Variants in RTTN observed in about 807,000 individuals in gnomAD.
The protein encoded by RTTN is rotatin.
RTTN carries 182 observed loss-of-function variants against 269.2 expected under a neutral mutation model. The observed-to-expected ratio is 0.68, with a 90% CI of 0.60 to 0.76. RTTN has a LOEUF of 0.76. Among genes scored for constraint, RTTN ranks in the 30% least tolerant of loss-of-function variants. The pLI is 0.00. For missense variants in RTTN, 2,545 were observed against 2,608.6 expected (o/e 0.98, Z 0.53); for synonymous variants, 1,006 against 963.5 (o/e 1.04, Z -0.82).
intron 3 of RTTN, among the ~76,000 whole-genome samples, chr18:70,203,022 T>G (rs1156766947): frequency 6.6e-6 from 1 of 152,124 alleles, no homozygotes; most frequent in African/African-American, 2.4e-5. Flanking sequence ...CATGAAGATG[T>G]TTTTCTTCAA....
intron 16 of RTTN, 73 bp from the exon 17 acceptor site, chr18:70,149,110 T>G: frequency 7.5e-7 from 1 of 1,340,292 alleles, no homozygotes; most frequent in South Asian, 1.3e-5. Context: ...AAATAAGAAT[T>G]GTATTGTCCT....
chr18:70,187,168 G>A (rs1173446344), intron 10 of RTTN, among the ~76,000 whole-genome samples: 3 of 151,954 alleles, frequency 2.0e-5, no homozygotes, highest in Non-Finnish European at 4.4e-5. Flanking sequence ...AATACACAAC[G>A]AAGCATTTGC....
Position 70,114,526 on chromosome 18 carries a change from G to C in RTTN, c.3602C>G (p.Thr1201Ser). The stretch of plus-strand genomic sequence containing the variant: ...TTTCTGAAGTTGTTGCCTGACAGCA[G>C]TCCGGATATCATCTGTTTCTTCTCG... Reference protein sequence around the residue: ...QAREETDDIRTAVRQQLQKEL... With the variant: ...QAREETDDIRSAVRQQLQKEL... Residue 1201 changes from threonine (T) to serine (S), a missense_variant, in exon 27 of 49, where the codon ACT (threonine) becomes AGT (serine). Transcript: ENST00000640769. The C allele has an allele frequency of 1.2e-6, 2 of 1,613,680 alleles. No homozygotes were observed. Among genetic ancestry groups the C allele is most frequent in the Non-Finnish European group, 1.7e-6 (2 of 1,179,652 alleles).
intron 10 of RTTN, among the ~76,000 whole-genome samples, chr18:70,178,706 T>G (rs529405936): frequency 2.0e-4 from 30 of 151,678 alleles, no homozygotes; most frequent in African/African-American, 3.4e-4. Flanking sequence ...AAAAAGAAAA[T>G]AAAATTCTAA....
At chr18:70,039,865 T>C (rs1184379570) in intron 40 of RTTN, among the ~76,000 whole-genome samples, 1 of 152,182 alleles carries the variant, frequency 6.6e-6, no homozygotes, top group Non-Finnish European at 1.5e-5. Flanking sequence ...CTTTTGCATG[T>C]GTGCTTGTTC....
intron 11 of RTTN, among the ~76,000 whole-genome samples, chr18:70,172,746 A>G (rs1272706794): frequency 1.3e-5 from 2 of 152,192 alleles, no homozygotes; most frequent in Admixed American, 6.5e-5. Flanking sequence ...TAAGTAAAAT[A>G]AATTACTGAT....
chr18:70,050,042 A>G (rs1008534255), intron 39 of RTTN, among the ~76,000 whole-genome samples: 9 of 152,204 alleles, frequency 5.9e-5, no homozygotes, highest in African/African-American at 2.2e-4. Flanking sequence ...TATCATATGT[A>G]CCTTTATAAA....
chr18:70,165,463 A>G (rs1447201614), intron 14 of RTTN, among the ~76,000 whole-genome samples: 1 of 151,988 alleles, frequency 6.6e-6, no homozygotes, highest in Non-Finnish European at 1.5e-5. Context: ...AAAATGAATC[A>G]GAAGTAAAAA....
intron 28 of RTTN, among the ~76,000 whole-genome samples, chr18:70,102,400 C>A (rs1167161015): frequency 6.6e-6 from 1 of 151,510 alleles, no homozygotes; most frequent in African/African-American, 2.4e-5. Flanking sequence ...CAACCCCTGC[C>A]TTTTTTTGTT....
chr18:70,054,205 AT>A lies in RTTN; in HGVS notation c.5110del (p.Ile1704PhefsTer6). On this transcript the variant is annotated frameshift_variant, in exon 38 of 49. Transcript: ENST00000640769. LOFTEE classifies it high-confidence loss of function. Reference sequence around the variant, plus strand: ...AAGAGGTTTCACAAGCTCATCCTGAATCACAAGGTCAGGCTCCACCAATAAA... The same window carrying A: ...AAGAGGTTTCACAAGCTCATCCTGAACACAAGGTCAGGCTCCACCAATAAA... ...SCLLVEPDLVIQDELVKPLIT... is the reference protein window; with the variant it reads ...SCLLVEPDLVXQDELVKPLIT... 1 of 1,613,874 alleles carries A rather than the reference AT, an allele frequency of 6.2e-7. No individual in the cohort carries two copies. Among genetic ancestry groups the A allele is most frequent in the Non-Finnish European group, 8.5e-7 (1 of 1,179,804 alleles).
intron 32 of RTTN, among the ~76,000 whole-genome samples, chr18:70,082,610 T>C (rs944758814): frequency 1.3e-5 from 2 of 152,200 alleles, no homozygotes; most frequent in African/African-American, 4.8e-5. Flanking sequence ...TGAAAAACAC[T>C]GGACAGTTGG....
intron 25 of RTTN, among the ~76,000 whole-genome samples, chr18:70,124,885 G>C (rs2059825381): frequency 1.3e-5 from 2 of 151,986 alleles, no homozygotes; most frequent in Non-Finnish European, 1.5e-5. Flanking sequence ...AGTAGCAATA[G>C]GACTTCCAGT....
chr18:70,065,916 G>T lies in RTTN; in HGVS notation c.4660C>A (p.Pro1554Thr), dbSNP rs375176796. ...SLSTSETTVA[P>T]SLGSTEFQPL... Reference sequence around the variant, plus strand: ...TGAAATTCAGTACTCCCCAATGAAGGTGCCACCTATGAATCAGTAAATTAT... The same window carrying T: ...TGAAATTCAGTACTCCCCAATGAAGTTGCCACCTATGAATCAGTAAATTAT... The change falls in exon 35 of 49, where the codon CCT (proline) becomes ACT (threonine). Residue 1554 changes from proline to threonine, a missense_variant. Coordinates refer to ENST00000640769, the MANE Select transcript of RTTN (RefSeq NM_173630.4). 1.1e-5 allele frequency: 17 copies of T among 1,587,684 alleles called. No individual in the cohort carries two copies. In the African/African-American group the frequency reaches 1.3e-4, roughly 13 times the overall value.
At chr18:70,037,200 C>T (rs933581668) in intron 40 of RTTN, among the ~76,000 whole-genome samples, 1 of 152,218 alleles carries the variant, frequency 6.6e-6, no homozygotes, top group Non-Finnish European at 1.5e-5. Context: ...GTCTTGGACA[C>T]AAGGCCTGCA....
chr18:70,109,993 A>G (rs2059420677), intron 27 of RTTN, among the ~76,000 whole-genome samples: 1 of 152,124 alleles, frequency 6.6e-6, no homozygotes, highest in African/African-American at 2.4e-5. Flanking sequence ...CTGAGGTGGG[A>G]GGATTGCTTG....
At chr18:70,166,380 G>C (rs1196866835) in intron 13 of RTTN, 192 bp from the exon 14 acceptor site, 2 of 433,752 alleles carry the variant, frequency 4.6e-6, no homozygotes, top group African/African-American at 2.0e-5. Context: ...CTGTCTTAAA[G>C]AGTATTTTTA....
intron 11 of RTTN, among the ~76,000 whole-genome samples, chr18:70,173,158 T>C (rs2061187751): frequency 6.6e-6 from 1 of 152,208 alleles, no homozygotes; most frequent in Non-Finnish European, 1.5e-5. Context: ...TCCGTTTTCC[T>C]GGATCACCTG....
intron 11 of RTTN, among the ~76,000 whole-genome samples, chr18:70,169,406 T>C (rs970606738): frequency 1.3e-5 from 2 of 152,312 alleles, no homozygotes; most frequent in Admixed American, 6.5e-5. Context: ...TGAGGCCTTT[T>C]TCTCTAAGTA....
chr18:70,142,852 C>T (rs765460116), intron 18 of RTTN, among the ~76,000 whole-genome samples: 1 of 152,102 alleles, frequency 6.6e-6, no homozygotes, highest in Non-Finnish European at 1.5e-5. Context: ...TTGTGAAACT[C>T]CATCTCTACT....
Sources: allele counts gnomAD v4.1 joint callset (sites outside exome capture counted in the v4.1 genomes callset), GRCh38; gene constraint gnomAD v4.1.1; transcripts MANE v1.5; gene names NCBI Gene and HGNC (gene_info 2026-07-23, HGNC 2026-07-21).